ERBB4: variants seen among roughly 807,000 people sequenced by gnomAD.
The protein encoded by ERBB4 is erb-b2 receptor tyrosine kinase 4.
In ERBB4, 42 loss-of-function variants were observed where a neutral mutation model predicts 158.0. The ratio of observed to expected loss-of-function variants is 0.27; its 90% CI spans 0.21 to 0.34. The LOEUF (loss-of-function observed/expected upper bound fraction) is 0.34, where lower values mean the gene tolerates loss of function less well. Ranked by LOEUF, ERBB4 falls within the 10% of genes least tolerant of loss-of-function variation. ERBB4 has a pLI of 1.00. For synonymous variants in ERBB4, 583 were observed against 558.7 expected, an observed-to-expected ratio of 1.04 and a Z score of -0.61; for missense variants, 1,333 against 1,624.1, an observed-to-expected ratio of 0.82 and a Z score of 3.08.
chr2:211,396,985 A>G (rs2125342762), intron 25 of ERBB4, among the ~76,000 whole-genome samples: 1 of 152,276 alleles, frequency 6.6e-6, no homozygotes, highest in South Asian at 2.1e-4. Flanking sequence ...TACTGTGAAT[A>G]CTCTGGTACA....
rs1287251653 is a variant in ERBB4, at chr2:211,846,046, ATTG to A, written c.422-57890_422-57888del. On this transcript the variant is annotated intron_variant, in intron 3 of 27. Transcript: ENST00000342788. ...ATTTTTTTCAACTACAATACTGTTAATTGTTGTTTTTTTTTTTCATTTATAGTG... is the reference window on the plus strand; with the variant it reads ...ATTTTTTTCAACTACAATACTGTTAATTGTTTTTTTTTTTCATTTATAGTG... Among the ~76,000 whole-genome samples, 7 of 104,890 alleles carry A rather than the reference ATTG, an allele frequency of 6.7e-5. No individual in the cohort carries two copies. In the East Asian group the frequency reaches 1.8e-3, roughly 27 times the overall value. The allele number at this position is 104,890 out of a possible 152,430, so 68.8% of individuals were successfully genotyped here.
intron 19 of ERBB4, among the ~76,000 whole-genome samples, chr2:211,587,247 T>C (rs983305925): frequency 6.6e-6 from 1 of 151,204 alleles, no homozygotes; most frequent in Admixed American, 6.6e-5. Flanking sequence ...TCCCAGCTAC[T>C]TGGGAGGCTG....
chr2:211,807,077 AG>A (rs1176967973), intron 3 of ERBB4, among the ~76,000 whole-genome samples: 1 of 152,170 alleles, frequency 6.6e-6, no homozygotes, highest in South Asian at 2.1e-4. Flanking sequence ...AAATATATTC[AG>A]AGATATGTTA....
intron 3 of ERBB4, among the ~76,000 whole-genome samples, chr2:211,919,837 C>T (rs537781554): frequency 6.6e-6 from 1 of 152,040 alleles, no homozygotes; most frequent in African/African-American, 2.4e-5. Context: ...TCATATGCTG[C>T]AAGGAAAAAT....
intron 16 of ERBB4, among the ~76,000 whole-genome samples, chr2:211,648,065 C>T (rs529401785): frequency 6.6e-6 from 1 of 151,962 alleles, no homozygotes; most frequent in East Asian, 1.9e-4. Flanking sequence ...TGCTTGATGA[C>T]CCAGACTCCT....
chr2:211,978,578 T>C (rs1307993692), intron 2 of ERBB4, among the ~76,000 whole-genome samples: 2 of 152,298 alleles, frequency 1.3e-5, no homozygotes, highest in African/African-American at 4.8e-5. Context: ...CATGTGCCAC[T>C]ATACCCAGCT....
chr2:212,285,701 A>C (rs1007248667), intron 1 of ERBB4, among the ~76,000 whole-genome samples: 2 of 152,200 alleles, frequency 1.3e-5, no homozygotes, highest in African/African-American at 4.8e-5. Flanking sequence ...ACAATATTTT[A>C]AGAGGAGGAA....
intron 20 of ERBB4, among the ~76,000 whole-genome samples, chr2:211,456,189 C>T (rs185799483): frequency 6.6e-6 from 1 of 152,120 alleles, no homozygotes; most frequent in African/African-American, 2.4e-5. Context: ...CCGATAACTA[C>T]CTCACAGATT....
intron 3 of ERBB4, among the ~76,000 whole-genome samples, chr2:211,827,807 T>C (rs2077136257): frequency 6.6e-6 from 1 of 152,102 alleles, no homozygotes; most frequent in Non-Finnish European, 1.5e-5. Flanking sequence ...ACATAATATT[T>C]ACAACATATG....
At chr2:211,742,641 A>C (rs1261629757) in intron 5 of ERBB4, among the ~76,000 whole-genome samples, 2 of 152,048 alleles carry the variant, frequency 1.3e-5, no homozygotes, top group African/African-American at 4.8e-5. Context: ...ATATATTGCA[A>C]ATGTTAAAAC....
rs115093625 is a variant in ERBB4, at chr2:211,967,218, G to A, written c.235-19602C>T. Among the ~76,000 whole-genome samples the A allele has an allele frequency of 3.6e-3, 554 of 152,010 alleles. 7 individuals are homozygous for A. Among genetic ancestry groups the A allele is most frequent in the African/African-American group, 0.013 (522 of 41,482 alleles). On this transcript the variant is annotated intron_variant, in intron 2 of 27. Coordinates refer to ENST00000342788, the MANE Select transcript of ERBB4 (RefSeq NM_005235.3). Reference sequence around the variant, plus strand: ...TTTCCTCATTCAGTAAGTATTTAACGAATGCTTGCTAAGTGCCAGGTTTGG... The same window carrying A: ...TTTCCTCATTCAGTAAGTATTTAACAAATGCTTGCTAAGTGCCAGGTTTGG...
At chr2:211,616,574 C>G (rs1337931893) in intron 19 of ERBB4, among the ~76,000 whole-genome samples, 1 of 152,132 alleles carries the variant, frequency 6.6e-6, no homozygotes, top group Non-Finnish European at 1.5e-5. Flanking sequence ...GATCTACACA[C>G]ATAACCAATG....
chr2:212,288,632 C>T (rs1457890275), intron 1 of ERBB4, among the ~76,000 whole-genome samples: 3 of 152,094 alleles, frequency 2.0e-5, no homozygotes, highest in Non-Finnish European at 2.9e-5. Flanking sequence ...CCTTCTTTCC[C>T]TTTTCATCCA....
At chr2:212,426,391 T>G (rs2091913464) in intron 1 of ERBB4, 1 of 423,862 alleles carries the variant, frequency 2.4e-6, no homozygotes, top group Non-Finnish European at 4.6e-6. Flanking sequence ...ATTAGATCTC[T>G]TTCGTCACAC....
chr2:212,402,478 T>C (rs995201850), intron 1 of ERBB4, among the ~76,000 whole-genome samples: 10 of 152,076 alleles, frequency 6.6e-5, no homozygotes, highest in African/African-American at 2.4e-4. Context: ...GTAGAACTTA[T>C]ACACACACGA....
intron 13 of ERBB4, among the ~76,000 whole-genome samples, chr2:211,674,990 T>G (rs1028519570): frequency 6.6e-5 from 10 of 152,174 alleles, no homozygotes; most frequent in African/African-American, 2.2e-4. Context: ...TGCCCTTTTC[T>G]TCCATAGATT....
intron 3 of ERBB4, among the ~76,000 whole-genome samples, chr2:211,836,103 A>T (rs542986473): frequency 1.3e-5 from 2 of 152,212 alleles, no homozygotes; most frequent in East Asian, 3.9e-4. Flanking sequence ...GTTGTATAAT[A>T]TATATCTTGC....
rs149754819 is a variant in ERBB4 at position 212,511,805 on chromosome 2, T to C, written c.82+26644A>G. Among the ~76,000 whole-genome samples, 260 of 148,934 alleles carry C rather than the reference T, an allele frequency of 1.7e-3. 1 individual carries two copies. Among genetic ancestry groups the C allele is most frequent in the African/African-American group, 6.5e-3 (251 of 38,404 alleles). Reference sequence around the variant, plus strand: ...CGTGGCTTAAAAATTAGAGATTTAATGTCTTGCATGTAAAAATTCAGAAGC... The same window carrying C: ...CGTGGCTTAAAAATTAGAGATTTAACGTCTTGCATGTAAAAATTCAGAAGC... On this transcript the variant is annotated intron_variant, in intron 1 of 27. Transcript: ENST00000342788.
intron 8 of ERBB4, among the ~76,000 whole-genome samples, chr2:211,712,941 A>G (rs561441806): frequency 3.6e-4 from 54 of 152,078 alleles, no homozygotes; most frequent in Non-Finnish European, 1.8e-4. Context: ...CTTTATTTTC[A>G]TCTTGCTTAA....
Sources: allele counts gnomAD v4.1 joint callset (sites outside exome capture counted in the v4.1 genomes callset), GRCh38; gene constraint gnomAD v4.1.1; transcripts MANE v1.5; gene names NCBI Gene and HGNC (gene_info 2026-07-23, HGNC 2026-07-21).